Variants in PTK6 observed in about 807,000 individuals in gnomAD.
PTK6 encodes protein tyrosine kinase 6.
A neutral mutation model predicts 47.5 loss-of-function variants in PTK6; 47 were observed. The observed-to-expected ratio is 0.99, with a 90% CI of 0.78 to 1.26. The LOEUF is 1.26. Among genes scored for constraint, PTK6 ranks in the 50% most tolerant of loss-of-function variants. The probability of loss-of-function intolerance (pLI) is 0.00; values close to 1 mark genes in which losing one functional copy is unlikely to be tolerated. For synonymous variants in PTK6, 287 were observed against 276.5 expected (o/e 1.04, Z -0.38); for missense variants, 618 against 625.3 (o/e 0.99, Z 0.12).
chr20:63,529,108 CA>C lies in PTK6; in HGVS notation c.*427del. ...CTGGGAGGAAAGAACCCTTGAGCAC[CA>C]AAACCAAATTTACATGAGCGTCCCG... On this transcript the variant is annotated 3_prime_UTR_variant, in exon 8 of 8. Coordinates refer to ENST00000542869, the MANE Select transcript of PTK6 (RefSeq NM_005975.4). This position sits in a 1 kb window ranked among gnomAD's most constrained non-coding sequence, Gnocchi z 5.6. The C allele has an allele frequency of 6.4e-6, 1 of 155,296 alleles. No homozygotes were observed. 9.6% of individuals were successfully genotyped at this position (155,296 alleles called of 1,614,324 possible).
chr20:63,535,817 TCCTCACCTGGCCTCCCGCCCCCCC>T (rs2082661070), intron 1 of PTK6, among the ~76,000 whole-genome samples: 2 of 10,170 alleles, frequency 2.0e-4, no homozygotes, highest in African/African-American at 2.0e-3. Flanking sequence ...TCCCGCCCCC[TCCTCACCTGGCCTCCCGCCCCCCC>T]CCTCACCTGG....
At position 63,528,309 on chromosome 20, in the gene PTK6, T is replaced by G. The variant is rs2082590844; in HGVS notation, c.*1227A>C. On this transcript the variant is annotated 3_prime_UTR_variant, in exon 8 of 8. Transcript: ENST00000542869. ...ATGTAGCACATCGGATAAGCCTGAT[T>G]AGTCTGACATCTGTCTTTCACAAGG... is the stretch of plus-strand genomic sequence containing the variant. 6.6e-6 allele frequency: 1 copy of G among 152,222 alleles called. No homozygotes were observed. The highest frequency in any genetic ancestry group is 2.4e-5 in the African/African-American group (1 of 41,462). 9.4% of individuals were successfully genotyped at this position (152,222 alleles called of 1,614,324 possible).
Position 63,528,091 on chromosome 20 carries a change from C to T in PTK6, c.*1445G>A, listed in dbSNP as rs2082588889. On this transcript the variant is annotated 3_prime_UTR_variant, in exon 8 of 8. Coordinates refer to ENST00000542869, the MANE Select transcript of PTK6 (RefSeq NM_005975.4). ...GGCATGCAGCATTTTAATGTAATAA[C>T]CAAAATTATGACTGATAACATTGCA... The T allele has an allele frequency of 6.6e-6, 1 of 152,160 alleles. No individual in the cohort carries two copies. The highest frequency in any genetic ancestry group is 2.1e-4 in the South Asian group (1 of 4,826). The allele number at this position is 152,160 out of a possible 1,614,324, so 9.4% of individuals were successfully genotyped here. A position where few individuals can be genotyped will look rare whatever the true frequency, so the allele number is the denominator to read the frequency against.
chr20:63,535,866 CTCACCTGGCCTCCCGCCCCCT>C, intron 1 of PTK6, among the ~76,000 whole-genome samples: 1 of 32,332 alleles, frequency 3.1e-5, no homozygotes, highest in South Asian at 1.9e-3. Flanking sequence ...CCGCCCCCTC[CTCACCTGGCCTCCCGCCCCCT>C]CCTCACCTGG....
intron 5 of PTK6, 135 bp downstream of exon 5, chr20:63,532,391 C>CTG (rs10679712): frequency 0.082 from 91,249 of 1,108,796 alleles, 9,904 homozygotes; most frequent in African/African-American, 0.6. Flanking sequence ...GTGTCTGTGT[C>CTG]TGTGTGTGCA....
At position 63,528,206 on chromosome 20, in the gene PTK6, T is replaced by C. The variant is rs1767426380; in HGVS notation, c.*1330A>G. 6.6e-6 allele frequency: 1 copy of C among 152,142 alleles called. No homozygotes were observed. Among genetic ancestry groups the C allele is most frequent in the Non-Finnish European group, 1.5e-5 (1 of 68,036 alleles). 9.4% of individuals were successfully genotyped at this position (152,142 alleles called of 1,614,324 possible). On this transcript the variant is annotated 3_prime_UTR_variant, in exon 8 of 8. Coordinates refer to ENST00000542869, the MANE Select transcript of PTK6 (RefSeq NM_005975.4). The stretch of plus-strand genomic sequence containing the variant: ...GGAATTTTATAGAGTTTCTGCAACA[T>C]TCATATCAAAACCAAACCCGTAAAT...
At position 63,530,830 on chromosome 20, in the gene PTK6, G is replaced by C. The variant is rs2082612514; in HGVS notation, c.930C>G (p.His310Gln). The C allele has an allele frequency of 6.2e-7, 1 of 1,613,974 alleles. No individual in the cohort carries two copies. The highest frequency in any genetic ancestry group is 8.5e-7 in the Non-Finnish European group (1 of 1,180,004). ...GGATGTTCCTGGCGGCCAGGTCCCG[G>C]TGGATGTAATTCTGCGACTCCAGGT... Reference protein sequence around the residue: ...MCYLESQNYIHRDLAARNILV... With the variant: ...MCYLESQNYIQRDLAARNILV... The change falls in exon 6 of 8, where the codon CAC becomes CAG. Residue 310 changes from histidine to glutamine, a missense_variant. Transcript: ENST00000542869. The surrounding 1 kb of genome is among the most constrained non-coding windows in gnomAD (Gnocchi z 4.1).
chr20:63,532,333 G>GTGCGTGTGTGTCTCTGTGTGTCTGTGT (rs1440419894), intron 5 of PTK6, among the ~76,000 whole-genome samples, 193 bp downstream of exon 5: 6 of 135,130 alleles, frequency 4.4e-5, no homozygotes, highest in African/African-American at 2.3e-4. Flanking sequence ...ATGTCTGTGT[G>GTGCGTGTGTGTCTCTGTGTGTCTGTGT]CATGTGTGTG....
chr20:63,532,716 C>T (rs1405169286), intron 4 of PTK6, 29 bp from the exon 5 acceptor site: 1 of 1,606,108 alleles, frequency 6.2e-7, no homozygotes, highest in East Asian at 2.2e-5. Context: ...TCGGTGGATG[C>T]AGCCCCTGAC....
chr20:63,532,138 T>C (rs996307401), intron 5 of PTK6, among the ~76,000 whole-genome samples: 1 of 151,126 alleles, frequency 6.6e-6, no homozygotes, highest in Admixed American at 6.6e-5. Flanking sequence ...TGTGTCTGTG[T>C]GTGTGTCTGG....
intron 5 of PTK6, among the ~76,000 whole-genome samples, chr20:63,531,492 G>A (rs568868280): frequency 3.7e-4 from 54 of 145,078 alleles, no homozygotes; most frequent in African/African-American, 1.4e-3. Flanking sequence ...ACAGGTGCCT[G>A]TAATCTCAGC....
Position 63,534,939 on chromosome 20 carries a change from CGACAG to C in PTK6, c.346_350del (p.Leu116GlyfsTer59), listed in dbSNP as rs566225331. On this transcript the variant is annotated frameshift_variant and splice_region_variant, in exon 2 of 8. Transcript: ENST00000542869. LOFTEE classifies it high-confidence loss of function. ...CAGGCTCGGAGGCCGGGGCCGCACCCGACAGGACGTAGTCGGCACTCGGCTTCTCG... is the reference window on the plus strand; with the variant it reads ...CAGGCTCGGAGGCCGGGGCCGCACCCGACGTAGTCGGCACTCGGCTTCTCG... 6.3e-7 allele frequency: 1 copy of C among 1,599,068 alleles called. No individual in the cohort carries two copies. The highest frequency in any genetic ancestry group is 1.3e-5 in the African/African-American group (1 of 74,712).
rs80316561 is a variant in PTK6, at chr20:63,530,781, T to C, written c.979A>G (p.Lys327Glu). 1 of 1,613,990 alleles carries C rather than the reference T, an allele frequency of 6.2e-7. No individual in the cohort carries two copies. Among genetic ancestry groups the C allele is most frequent in the Non-Finnish European group, 8.5e-7 (1 of 1,179,954 alleles). Residue 327 changes from lysine to glutamate, a missense_variant, in exon 6 of 8, where the codon AAA becomes GAA. Transcript: ENST00000542869. The surrounding 1 kb of genome is among the most constrained non-coding windows in gnomAD (Gnocchi z 4.1). ...CTGGCTAACCCGAAGTCCCCAACTT[T>C]GCAGAGGGTGTTTTCCCCGACGAGG... ...NILVGENTLC[K>E]VGDFGLARLI...
chr20:63,532,268 ATGTC>A (rs558364385), intron 5 of PTK6, among the ~76,000 whole-genome samples: 19,298 of 140,068 alleles, frequency 0.14, 3,959 homozygotes, highest in African/African-American at 0.46. Context: ...GTCTATGTGT[ATGTC>A]TGTGTGTGTC....
chr20:63,534,756 G>T, intron 2 of PTK6, 182 bp downstream of exon 2: 1 of 963,418 alleles, frequency 1.0e-6, no homozygotes, highest in Non-Finnish European at 1.5e-6. Flanking sequence ...GACTACCCTA[G>T]CAGCCAGTGA....
At chr20:63,532,030 G>A (rs1432579620) in intron 5 of PTK6, among the ~76,000 whole-genome samples, 1 of 152,258 alleles carries the variant, frequency 6.6e-6, no homozygotes, top group Admixed American at 6.5e-5. Flanking sequence ...TCACGCACGG[G>A]CATCTCCATT....
At chr20:63,534,790 C>G (rs1387660766) in intron 2 of PTK6, 148 bp downstream of exon 2, 2 of 1,235,722 alleles carry the variant, frequency 1.6e-6, no homozygotes, top group African/African-American at 3.1e-5. Context: ...GAGGAGCGGG[C>G]CAGGTGGGCG....
chr20:63,533,717 T>C lies in PTK6; in HGVS notation c.517-13A>G. 1 of 1,606,698 alleles carries C rather than the reference T, an allele frequency of 6.2e-7. No homozygotes were observed. Among genetic ancestry groups the C allele is most frequent in the Non-Finnish European group, 8.5e-7 (1 of 1,176,946 alleles). On this transcript the variant is annotated splice_polypyrimidine_tract_variant and intron_variant, in intron 3 of 7. Coordinates refer to ENST00000542869, the MANE Select transcript of PTK6 (RefSeq NM_005975.4). The surrounding 1 kb of genome is among the most constrained non-coding windows in gnomAD (Gnocchi z 4.0). ...GCTCAGGCTCGTGCTGGAGGAAGAG[T>C]CGGGGACACAGGGCAGGGGCTCATC...
At position 63,530,623 on chromosome 20, in the gene PTK6, G is replaced by A; in HGVS notation, c.1014+123C>T. 4 of 1,250,988 alleles carry A rather than the reference G, an allele frequency of 3.2e-6. No individual in the cohort carries two copies. The highest frequency in any genetic ancestry group is 4.4e-6 in the Non-Finnish European group (4 of 917,530). The allele number at this position is 1,250,988 out of a possible 1,614,324, so 77.5% of individuals were successfully genotyped here. On this transcript the variant is annotated intron_variant, in intron 6 of 7. Coordinates refer to ENST00000542869, the MANE Select transcript of PTK6 (RefSeq NM_005975.4). The surrounding 1 kb of genome is among the most constrained non-coding windows in gnomAD (Gnocchi z 4.1). ...GCTTCCCACCTCCCTGCCCAGCCTG[G>A]GCTCCCGAGGGCAGGGGCCGCATCC...
Sources: gnomAD v4.1 joint callset for allele counts (sites outside exome capture counted in the v4.1 genomes callset) on GRCh38, gnomAD v4.1.1 for gene constraint, Gnocchi (gnomAD v3.1) non-coding constraint, MANE v1.5 for transcripts, NCBI Gene and HGNC (gene_info 2026-07-23, HGNC 2026-07-21) for gene names.